GATA4: variants seen among roughly 807,000 people sequenced by gnomAD.
GATA4 encodes the protein GATA binding protein 4, also known as transcription factor GATA-4.
A neutral mutation model predicts 37.9 loss-of-function variants in GATA4; 7 were observed. The ratio of observed to expected loss-of-function variants is 0.18; its 90% CI spans 0.11 to 0.35. The LOEUF is 0.35. Ranked by LOEUF, GATA4 falls within the 10% of genes least tolerant of loss-of-function variation. GATA4 has a pLI of 1.00. For synonymous variants in GATA4, 372 were observed against 292.6 expected, an observed-to-expected ratio of 1.27 and a Z score of -2.77; for missense variants, 647 against 653.0, an observed-to-expected ratio of 0.99 and a Z score of 0.10.
At chr8:11,745,383 G>C (rs1348475849) in intron 2 of GATA4, among the ~76,000 whole-genome samples, 2 of 132,372 alleles carry the variant, frequency 1.5e-5, no homozygotes, top group Admixed American at 1.7e-4. Flanking sequence ...AGACCAGTCT[G>C]TACAACACAG....
intron 1 of GATA4, chr8:11,693,099 C>G (rs1799375253): frequency 1.0e-6 from 1 of 977,356 alleles, no homozygotes; most frequent in Non-Finnish European, 1.2e-6. Context: ...TGGCTTTATT[C>G]CACTTCTTAA....
At chr8:11,679,600 G>A (rs1397121297) in intron 1 of GATA4, among the ~76,000 whole-genome samples, 1 of 152,232 alleles carries the variant, frequency 6.6e-6, no homozygotes, top group South Asian at 2.1e-4. Flanking sequence ...GGAGCTGGGC[G>A]CGCGGCCTGG....
chr8:11,696,951 G>T (rs1293432451), intron 1 of GATA4, among the ~76,000 whole-genome samples: 1 of 152,228 alleles, frequency 6.6e-6, no homozygotes, highest in African/African-American at 2.4e-5. Flanking sequence ...AGACTTCCTG[G>T]GGGAGGGGTG....
chr8:11,678,229 C>G (rs891203541), intron 1 of GATA4, among the ~76,000 whole-genome samples: 30 of 152,052 alleles, frequency 2.0e-4, no homozygotes, highest in African/African-American at 7.0e-4. Flanking sequence ...CAGGAGGACC[C>G]AGCAAGCGCT....
chr8:11,739,955 A>G (rs1272847681), intron 2 of GATA4, among the ~76,000 whole-genome samples: 5 of 152,212 alleles, frequency 3.3e-5, no homozygotes, highest in Non-Finnish European at 7.3e-5. Context: ...CCTCTCCCAC[A>G]GAAGGACTGG....
chr8:11,689,327 C>T (rs1799240090), upstream of GATA4, among the ~76,000 whole-genome samples: 3 of 152,204 alleles, frequency 2.0e-5, no homozygotes, highest in South Asian at 6.2e-4. Flanking sequence ...ATGACTTATA[C>T]ATAGAGTGAC....
At chr8:11,701,340 A>G (rs1274248189), upstream of GATA4, among the ~76,000 whole-genome samples, 1 of 151,562 alleles carries the variant, frequency 6.6e-6, no homozygotes, top group Non-Finnish European at 1.5e-5. Flanking sequence ...TTGAATGGGG[A>G]TTGGGCCTGT....
intron 4 of GATA4, among the ~76,000 whole-genome samples, chr8:11,752,543 C>T (rs1802355382): frequency 6.6e-6 from 1 of 152,210 alleles, no homozygotes. Flanking sequence ...TCAGTTATCT[C>T]CCATCAGGTC....
At chr8:11,703,540 G>A (rs28505660), upstream of GATA4, among the ~76,000 whole-genome samples, 4,082 of 152,348 alleles carry the variant, frequency 0.027, 177 homozygotes, top group African/African-American at 0.091. Context: ...TAGAAGAGAG[G>A]AGGCCACAGG....
rs1055293622 is a variant in GATA4 at position 11,749,522 on chromosome 8, G to T, written c.786+437G>T. 2.0e-5 allele frequency among the ~76,000 whole-genome samples: 3 copies of T among 152,210 alleles called. No individual in the cohort carries two copies. The highest frequency in any genetic ancestry group is 3.8e-4 in the East Asian group (2 of 5,198). ...TTGATAAATCCCAAAGCCCAGAAGT[G>T]CAAGCAGCTTGTGTTGGGCCCCGTG... On this transcript the variant is annotated intron_variant, in intron 3 of 6. Coordinates refer to ENST00000532059, the MANE Select transcript of GATA4 (RefSeq NM_001308093.3). This position sits in a 1 kb window ranked among gnomAD's most constrained non-coding sequence, Gnocchi z 4.6.
In GATA4 at chr8:11,749,379, G is replaced by A. The variant is rs985920290; in HGVS notation, c.786+294G>A. The stretch of plus-strand genomic sequence containing the variant: ...TCTCCCATCTAGAACTCTGGAACCA[G>A]AATCCAGGTTTCCTGGTTCCCAGTC... On this transcript the variant is annotated intron_variant, in intron 3 of 6. Transcript: ENST00000532059. This position sits in a 1 kb window ranked among gnomAD's most constrained non-coding sequence, Gnocchi z 4.6. Among the ~76,000 whole-genome samples the A allele has an allele frequency of 6.6e-6, 1 of 152,156 alleles. No homozygotes were observed. Among genetic ancestry groups the A allele is most frequent in the African/African-American group, 2.4e-5 (1 of 41,434 alleles).
upstream of GATA4, among the ~76,000 whole-genome samples, chr8:11,703,191 A>AG (rs1799744272): frequency 6.6e-6 from 1 of 151,616 alleles, no homozygotes; most frequent in South Asian, 2.1e-4. Flanking sequence ...AAAAAAAAAA[A>AG]GTTTAACCGA....
At chr8:11,698,673 T>A (rs1332218181) in intron 1 of GATA4, among the ~76,000 whole-genome samples, 2 of 152,102 alleles carry the variant, frequency 1.3e-5, no homozygotes, top group African/African-American at 4.8e-5. Flanking sequence ...TCAGCCTTCA[T>A]CCCCGGAGGC....
rs779512292 is a variant in GATA4, at chr8:11,708,958, T to A, written c.616+30T>A. On this transcript the variant is annotated intron_variant, in intron 2 of 6. Coordinates refer to ENST00000532059, the MANE Select transcript of GATA4 (RefSeq NM_001308093.3). The surrounding 1 kb of genome is among the most constrained non-coding windows in gnomAD (Gnocchi z 6.7). The stretch of plus-strand genomic sequence containing the variant: ...GTAGGAGCGCGAGGGCTGGGGCGCG[T>A]GAGGGCCGGGGCAGGGGCCGTCTTG... The A allele has an allele frequency of 6.9e-5, 104 of 1,515,462 alleles. 1 individual carries two copies. The South Asian group carries it at 1.2e-3, about 18-fold the overall frequency. 93.9% of individuals were successfully genotyped at this position (1,515,462 alleles called of 1,614,324 possible).
Position 11,750,247 on chromosome 8 carries a change from C to A in GATA4, c.912+11C>A, listed in dbSNP as rs758503499. 2.5e-6 allele frequency: 4 copies of A among 1,611,958 alleles called. No individual in the cohort carries two copies. The East Asian group carries it at 8.9e-5, about 36-fold the overall frequency. On this transcript the variant is annotated intron_variant, in intron 4 of 6. Coordinates refer to ENST00000532059, the MANE Select transcript of GATA4 (RefSeq NM_001308093.3). ...ATGAAGCTCCACGGGGTACGTGGGTCCTGCGCCCATGCGGCATCCTTGCCT... is the reference window on the plus strand; with the variant it reads ...ATGAAGCTCCACGGGGTACGTGGGTACTGCGCCCATGCGGCATCCTTGCCT...
upstream of GATA4, among the ~76,000 whole-genome samples, chr8:11,687,850 G>A (rs965994806): frequency 1.3e-5 from 2 of 152,120 alleles, no homozygotes; most frequent in South Asian, 2.1e-4. Flanking sequence ...TCCTAGAACT[G>A]ATCAAGCCCT....
intron 2 of GATA4, among the ~76,000 whole-genome samples, chr8:11,732,523 GAAGT>G (rs1379976779): frequency 6.6e-6 from 1 of 152,198 alleles, no homozygotes; most frequent in Admixed American, 6.5e-5. Flanking sequence ...AAGAAAACGT[GAAGT>G]AACACCAAAA....
chr8:11,708,928 G>T lies in GATA4; in HGVS notation c.616G>T (p.Val206Leu). Reference protein sequence around the residue: ...ANPAARHPNLVDMFDDFSEGR... With the variant: ...ANPAARHPNLLDMFDDFSEGR... ...CCCGGCCGCCCGACACCCCAATCTC[G>T]GTGAGTAGGAGCGCGAGGGCTGGGG... Residue 206 changes from valine to leucine, a missense_variant and splice_region_variant, in exon 2 of 7, where the codon GTA becomes TTA. Physicochemically the swap from Val to Leu is conservative, Grantham distance 32. Coordinates refer to ENST00000532059, the MANE Select transcript of GATA4 (RefSeq NM_001308093.3). The surrounding 1 kb of genome is among the most constrained non-coding windows in gnomAD (Gnocchi z 6.7). The T allele has an allele frequency of 1.3e-6, 2 of 1,526,464 alleles. No homozygotes were observed. Among genetic ancestry groups the T allele is most frequent in the Non-Finnish European group, 1.7e-6 (2 of 1,143,024 alleles). 94.6% of individuals were successfully genotyped at this position (1,526,464 alleles called of 1,614,324 possible).
chr8:11,705,562 CAGA>C (rs1385453753), intron 1 of GATA4, among the ~76,000 whole-genome samples: 1 of 152,210 alleles, frequency 6.6e-6, no homozygotes, highest in East Asian at 1.9e-4. Context: ...GACAAGTGAT[CAGA>C]AGGAGAGCAA....
Sources: allele counts gnomAD v4.1 joint callset (sites outside exome capture counted in the v4.1 genomes callset), GRCh38; gene constraint gnomAD v4.1.1; non-coding constraint Gnocchi (gnomAD v3.1); transcripts MANE v1.5; gene names NCBI Gene and HGNC (gene_info 2026-07-23, HGNC 2026-07-21).